Variants in BCAR3 observed in about 807,000 individuals in gnomAD.
The protein encoded by BCAR3 is breast cancer anti-estrogen resistance protein 3.
In BCAR3, 37 loss-of-function variants were observed where a neutral mutation model predicts 80.1. The observed-to-expected ratio is 0.46, with a 90% confidence interval of 0.36 to 0.61. The LOEUF is 0.61. Ranked by LOEUF, BCAR3 falls within the 20% of genes least tolerant of loss-of-function variation. The probability of loss-of-function intolerance (pLI) is 0.00; values close to 1 mark genes in which losing one functional copy is unlikely to be tolerated. For synonymous variants in BCAR3, 389 were observed against 418.9 expected (o/e 0.93, Z 0.87); for missense variants, 978 against 1,068.2 (o/e 0.92, Z 1.18).
Position 93,780,937 on chromosome 1 carries a change from T to C in BCAR3, c.-63+64630A>G, listed in dbSNP as rs547028695. Among the ~76,000 whole-genome samples, 38 of 152,334 alleles carry C rather than the reference T, an allele frequency of 2.5e-4. 1 individual carries two copies. The highest frequency in any genetic ancestry group is 1.4e-3 in the Admixed American group (21 of 15,308). ...TATGATTCTGCAATGATTTGGCTCA[T>C]TGTTCAGAAATCTAGATCCCAGTGC... On this transcript the variant is annotated intron_variant, in intron 2 of 13. Coordinates refer to the BCAR3 transcript ENST00000370244.
intron 2 of BCAR3, among the ~76,000 whole-genome samples, chr1:93,741,557 T>C (rs1651176057): frequency 6.6e-6 from 1 of 152,172 alleles, no homozygotes; most frequent in African/African-American, 2.4e-5. Context: ...CTGGAAGCTA[T>C]TATTTTATTT....
chr1:93,656,699 G>A (rs1647397227), intron 2 of BCAR3, among the ~76,000 whole-genome samples: 1 of 151,722 alleles, frequency 6.6e-6, no homozygotes, highest in African/African-American at 2.4e-5. Context: ...GACCTCCTGG[G>A]CTTAAACGAT....
At chr1:93,770,223 C>T (rs1413238649) in intron 2 of BCAR3, among the ~76,000 whole-genome samples, 6 of 152,230 alleles carry the variant, frequency 3.9e-5, no homozygotes, top group East Asian at 1.9e-4. Flanking sequence ...AGGCATCTAA[C>T]GGAAGAGCTG....
intron 3 of BCAR3, among the ~76,000 whole-genome samples, chr1:93,622,211 T>C (rs1241672832): frequency 6.6e-6 from 1 of 152,210 alleles, no homozygotes; most frequent in East Asian, 1.9e-4. Context: ...GAGCCAGCAC[T>C]TCTACAGAGA....
chr1:93,583,825 C>G (rs184446156), intron 6 of BCAR3, among the ~76,000 whole-genome samples, 193 bp downstream of exon 6: 1 of 152,276 alleles, frequency 6.6e-6, no homozygotes, highest in East Asian at 1.9e-4. Flanking sequence ...TGCTACGAGG[C>G]CTAAAAGCTG....
intron 2 of BCAR3, among the ~76,000 whole-genome samples, chr1:93,769,844 G>T (rs1260246760): frequency 1.3e-5 from 2 of 152,198 alleles, no homozygotes; most frequent in African/African-American, 4.8e-5. Flanking sequence ...AATCCCAGAG[G>T]GAGCTCAGCT....
chr1:93,734,622 C>G (rs929156305), intron 2 of BCAR3, among the ~76,000 whole-genome samples: 1 of 152,190 alleles, frequency 6.6e-6, no homozygotes, highest in Admixed American at 6.5e-5. Flanking sequence ...GGCAAACCAT[C>G]TAGTGCAGAG....
At chr1:93,774,049 C>T (rs892169218) in intron 2 of BCAR3, among the ~76,000 whole-genome samples, 1 of 152,178 alleles carries the variant, frequency 6.6e-6, no homozygotes, top group African/African-American at 2.4e-5. Context: ...TAAGCATATG[C>T]TTGTCTTCGA....
At chr1:93,684,240 T>A (rs182698985), upstream of BCAR3, among the ~76,000 whole-genome samples, 1 of 152,348 alleles carries the variant, frequency 6.6e-6, no homozygotes, top group African/African-American at 2.4e-5. Flanking sequence ...CTGAGAACAG[T>A]GGAAAAACAT....
intron 2 of BCAR3, among the ~76,000 whole-genome samples, chr1:93,757,297 C>T (rs1651780418): frequency 6.6e-6 from 1 of 152,222 alleles, no homozygotes; most frequent in African/African-American, 2.4e-5. Flanking sequence ...CTCCACACCA[C>T]TCTTCTCCCA....
intron 3 of BCAR3, among the ~76,000 whole-genome samples, chr1:93,593,400 G>C (rs1339865721): frequency 6.6e-6 from 1 of 151,962 alleles, no homozygotes; most frequent in Non-Finnish European, 1.5e-5. Flanking sequence ...CACTGTGCTA[G>C]AGCACAGTGG....
chr1:93,736,942 G>A lies in BCAR3; in HGVS notation c.-62-30800C>T, dbSNP rs531416633. ...TCCATCTGCATCAGAATCATCTTACGCATGTTGAAATGCAGATTCCAGCTT... is the reference window on the plus strand; with the variant it reads ...TCCATCTGCATCAGAATCATCTTACACATGTTGAAATGCAGATTCCAGCTT... On this transcript the variant is annotated intron_variant, in intron 2 of 13. Transcript: ENST00000370244. Among the ~76,000 whole-genome samples the A allele has an allele frequency of 9.9e-5, 15 of 152,272 alleles. No individual in the cohort carries two copies. In the South Asian group the frequency reaches 1.0e-3, roughly 11 times the overall value.
chr1:93,727,151 T>C (rs148593539), intron 2 of BCAR3, among the ~76,000 whole-genome samples: 50 of 152,348 alleles, frequency 3.3e-4, no homozygotes, highest in Middle Eastern at 3.4e-3. Context: ...TCTTAATCTG[T>C]GGAACTATGG....
intron 2 of BCAR3, among the ~76,000 whole-genome samples, chr1:93,764,413 C>T (rs1487567211): frequency 6.6e-6 from 1 of 152,108 alleles, no homozygotes; most frequent in Non-Finnish European, 1.5e-5. Context: ...ATCGCATCAG[C>T]CAAGCTAGGA....
rs1201293984 is a variant in BCAR3 at position 93,589,217 on chromosome 1, A to C, written c.689T>G (p.Leu230Arg). Residue 230 changes from leucine (L) to arginine (R), a missense_variant, in exon 5 of 12, where the codon CTG becomes CGG. By Grantham distance (102) the Leu-to-Arg change is moderately radical. Coordinates refer to ENST00000260502, the MANE Select transcript of BCAR3 (RefSeq NM_003567.4). ...EMESFDSIPG[L>R]VRCYVGNRRP... Reference sequence around the variant, plus strand: ...GCGGTTGCCCACGTAGCAGCGCACCAGGCCGGGGATGGAGTCGAAGCTCTC... The same window carrying C: ...GCGGTTGCCCACGTAGCAGCGCACCCGGCCGGGGATGGAGTCGAAGCTCTC... 1.9e-6 allele frequency: 3 copies of C among 1,613,984 alleles called. No individual in the cohort carries two copies. The highest frequency in any genetic ancestry group is 1.7e-5 in the Admixed American group (1 of 60,012).
At chr1:93,622,488 A>G (rs1675343306) in intron 3 of BCAR3, among the ~76,000 whole-genome samples, 1 of 152,202 alleles carries the variant, frequency 6.6e-6, no homozygotes, top group Non-Finnish European at 1.5e-5. Flanking sequence ...CTCATCTGCA[A>G]TAGTCCATCA....
chr1:93,821,580 C>A (rs879372840), intron 2 of BCAR3, among the ~76,000 whole-genome samples: 1 of 152,114 alleles, frequency 6.6e-6, no homozygotes, highest in Admixed American at 6.5e-5. Context: ...AGTGAGCAAA[C>A]GTCTTGGAAT....
intron 3 of BCAR3, among the ~76,000 whole-genome samples, chr1:93,703,749 G>C (rs558935714): frequency 6.6e-6 from 1 of 152,180 alleles, no homozygotes; most frequent in African/African-American, 2.4e-5. Flanking sequence ...CCTAGGCACA[G>C]GGAGATACAG....
intron 1 of BCAR3, chr1:93,846,932 C>G (rs1319261942): frequency 2.2e-6 from 1 of 450,608 alleles, no homozygotes; most frequent in Non-Finnish European, 4.6e-6. Flanking sequence ...TTTTTCGAAC[C>G]CCGCGCAAAT....
Sources: gnomAD v4.1 joint callset for allele counts (sites outside exome capture counted in the v4.1 genomes callset) on GRCh38, gnomAD v4.1.1 for gene constraint, MANE v1.5 for transcripts, NCBI Gene and HGNC (gene_info 2026-07-23, HGNC 2026-07-21) for gene names.